Variants in CYP7B1 observed in about 807,000 individuals in gnomAD.
The protein encoded by CYP7B1 is cytochrome P450 family 7 subfamily B member 1.
CYP7B1 carries 29 observed loss-of-function variants against 42.7 expected under a neutral mutation model. The observed-to-expected ratio is 0.68, with a 90% CI of 0.51 to 0.93. The LOEUF (loss-of-function observed/expected upper bound fraction) is 0.93, where lower values mean the gene tolerates loss of function less well. Ranked by LOEUF, CYP7B1 falls within the 40% of genes least tolerant of loss-of-function variation. The pLI is 0.00. For synonymous variants in CYP7B1, 235 were observed against 218.2 expected, an observed-to-expected ratio of 1.08 and a Z score of -0.68; for missense variants, 655 against 600.5, an observed-to-expected ratio of 1.09 and a Z score of -0.95.
intron 1 of CYP7B1, among the ~76,000 whole-genome samples, chr8:64,761,661 G>A (rs1162606570): frequency 6.6e-6 from 1 of 152,086 alleles, no homozygotes; most frequent in Non-Finnish European, 1.5e-5. Flanking sequence ...CACATTCTTT[G>A]GGTAGAAAAT....
chr8:64,651,636 G>T (rs1206366425), intron 1 of CYP7B1, among the ~76,000 whole-genome samples: 1 of 152,180 alleles, frequency 6.6e-6, no homozygotes, highest in Admixed American at 6.5e-5. Flanking sequence ...ATTAGGTCAT[G>T]AAGGCAGAGC....
At chr8:64,783,361 C>T (rs1181895337) in intron 1 of CYP7B1, among the ~76,000 whole-genome samples, 1 of 152,152 alleles carries the variant, frequency 6.6e-6, no homozygotes, top group Non-Finnish European at 1.5e-5. Flanking sequence ...CAAAACAACT[C>T]ATTATCTACA....
rs1805096324 is a variant in CYP7B1, at chr8:64,595,043, C to T, written c.*1599G>A. 6.6e-6 allele frequency among the ~76,000 whole-genome samples: 1 copy of T among 152,214 alleles called. No homozygotes were observed. The highest frequency in any genetic ancestry group is 2.4e-5 in the African/African-American group (1 of 41,450). On this transcript the variant is annotated 3_prime_UTR_variant, in exon 6 of 6. Coordinates refer to ENST00000310193, the MANE Select transcript of CYP7B1 (RefSeq NM_004820.5). ...ACAGACTACCTATTGAGTAATTAAA[C>T]TCACTAACGGCTATCCGCCCAATAA...
intron 1 of CYP7B1, among the ~76,000 whole-genome samples, chr8:64,736,350 G>C (rs1051600425): frequency 1.3e-5 from 2 of 152,126 alleles, no homozygotes; most frequent in Non-Finnish European, 2.9e-5. Context: ...CACACGAATG[G>C]ATCAAATGGA....
chr8:64,716,199 A>T (rs184967311), intron 1 of CYP7B1, among the ~76,000 whole-genome samples: 1 of 152,322 alleles, frequency 6.6e-6, no homozygotes, highest in East Asian at 1.9e-4. Flanking sequence ...TGGTTGCTTA[A>T]GTCCTAAACA....
chr8:64,617,776 A>G (rs1040503946), intron 2 of CYP7B1, among the ~76,000 whole-genome samples: 1 of 151,904 alleles, frequency 6.6e-6, no homozygotes, highest in African/African-American at 2.4e-5. Context: ...ATTTAATTCA[A>G]TTTGGTGCAA....
intron 1 of CYP7B1, among the ~76,000 whole-genome samples, chr8:64,762,013 T>G (rs1807898288): frequency 6.6e-6 from 1 of 152,194 alleles, no homozygotes; most frequent in Admixed American, 6.5e-5. Context: ...AGTTCTGAAC[T>G]GCTTTCCAAA....
At chr8:64,794,716 T>G (rs1804678203) in intron 1 of CYP7B1, among the ~76,000 whole-genome samples, 1 of 152,122 alleles carries the variant, frequency 6.6e-6, no homozygotes, top group African/African-American at 2.4e-5. Context: ...ACATATGAAT[T>G]TTAGAGGGGA....
rs187096466 is a variant in CYP7B1 at position 64,630,154 on chromosome 8, G to C, written c.123-5615C>G. Among the ~76,000 whole-genome samples, 15 of 152,070 alleles carry C rather than the reference G, an allele frequency of 9.9e-5. No homozygotes were observed. The South Asian group carries it at 2.5e-3, about 25-fold the overall frequency. ...CTCATCAGATCAACAGAAAGGAAGT[G>C]GGGGGAAAGAGTCTTACATTTTATT... On this transcript the variant is annotated intron_variant, in intron 1 of 5. Coordinates refer to ENST00000310193, the MANE Select transcript of CYP7B1 (RefSeq NM_004820.5).
In CYP7B1 at chr8:64,798,570, G is replaced by A. The variant is rs1804750229; in HGVS notation, c.18C>T (p.Ser6=). 2.7e-6 allele frequency: 4 copies of A among 1,486,732 alleles called. No homozygotes were observed. In the South Asian group the frequency reaches 3.8e-5, roughly 14 times the overall value. 92.1% of individuals were successfully genotyped at this position (1,486,732 alleles called of 1,614,324 possible). Residue 6 remains serine, a synonymous_variant, in exon 1 of 6, where the codon TCC becomes TCT. Coordinates refer to ENST00000310193, the MANE Select transcript of CYP7B1 (RefSeq NM_004820.5). ...CCAGCGAAAAGCGGCCCGTGGCCGC[G>A]GACACTTCTCCTGCCATCCGGCGCG... MAGEV[S]AATGRFSLER...
intron 1 of CYP7B1, among the ~76,000 whole-genome samples, chr8:64,677,790 T>C (rs1806473742): frequency 6.8e-6 from 1 of 147,132 alleles, no homozygotes; most frequent in African/African-American, 2.5e-5. Context: ...TCTGGTCTGC[T>C]AAATGAGATC....
Position 64,766,235 on chromosome 8 carries a change from A to G in CYP7B1, c.122+32231T>C, listed in dbSNP as rs916593710. Among the ~76,000 whole-genome samples the G allele has an allele frequency of 2.6e-5, 4 of 152,306 alleles. No homozygotes were observed. The East Asian group carries it at 5.8e-4, about 22-fold the overall frequency. On this transcript the variant is annotated intron_variant, in intron 1 of 5. Transcript: ENST00000310193. ...TAGGAAGAAGCCTATAAATTATTCA[A>G]TGATGTCCACTATAACATAGGGAAA...
At chr8:64,768,411 T>C (rs1322594899) in intron 1 of CYP7B1, among the ~76,000 whole-genome samples, 1 of 152,144 alleles carries the variant, frequency 6.6e-6, no homozygotes, top group Non-Finnish European at 1.5e-5. Flanking sequence ...TCTTTAGTAA[T>C]TTGCTCTTCT....
chr8:64,684,831 G>A (rs761316975), intron 1 of CYP7B1, among the ~76,000 whole-genome samples: 1 of 152,142 alleles, frequency 6.6e-6, no homozygotes, highest in African/African-American at 2.4e-5. Flanking sequence ...ATGAAAAGGC[G>A]CTTGACATCA....
At chr8:64,722,255 G>T (rs1328014556) in intron 1 of CYP7B1, among the ~76,000 whole-genome samples, 2 of 152,134 alleles carry the variant, frequency 1.3e-5, no homozygotes, top group Admixed American at 1.3e-4. Flanking sequence ...ACTTGCAAAT[G>T]GAAAACAGAG....
At position 64,616,237 on chromosome 8, in the gene CYP7B1, C is replaced by T; in HGVS notation, c.304G>A (p.Val102Met). 1 of 1,607,458 alleles carries T rather than the reference C, an allele frequency of 6.2e-7. No homozygotes were observed. Among genetic ancestry groups the T allele is most frequent in the Non-Finnish European group, 8.5e-7 (1 of 1,177,272 alleles). ...FILDPFQYQL[V>M]IKNHKQLSFR... ...CTTAATTGTTTATGATTTTTTATCA[C>T]TAGCTGGTACTGGAAGGGGTCCAGG... Residue 102 changes from valine to methionine, a missense_variant, in exon 3 of 6, where the codon GTG becomes ATG. Physicochemically the swap from Val to Met is conservative, Grantham distance 21. Transcript: ENST00000310193.
At chr8:64,600,374 A>C (rs954683434) in intron 5 of CYP7B1, among the ~76,000 whole-genome samples, 5 of 152,244 alleles carry the variant, frequency 3.3e-5, no homozygotes, top group Non-Finnish European at 1.5e-5. Flanking sequence ...GTTACAAGGC[A>C]TAAAACATGG....
intron 1 of CYP7B1, among the ~76,000 whole-genome samples, chr8:64,635,993 A>G (rs1426522555): frequency 6.6e-6 from 1 of 152,182 alleles, no homozygotes. Context: ...GTTGTTTCTA[A>G]TCTGGGAGGG....
rs888431971 is a variant in CYP7B1, at chr8:64,765,309, G to T, written c.122+33157C>A. ...GACAGTCTAGTCCACAGACATAAAG[G>T]AAGTTCACATTGGAAAAAAATGGTT... On this transcript the variant is annotated intron_variant, in intron 1 of 5. Coordinates refer to ENST00000310193, the MANE Select transcript of CYP7B1 (RefSeq NM_004820.5). 2.0e-5 allele frequency among the ~76,000 whole-genome samples: 3 copies of T among 152,162 alleles called. No individual in the cohort carries two copies. The East Asian group carries it at 5.8e-4, about 29-fold the overall frequency.
Sources: allele counts gnomAD v4.1 joint callset (sites outside exome capture counted in the v4.1 genomes callset), GRCh38; gene constraint gnomAD v4.1.1; transcripts MANE v1.5; gene names NCBI Gene and HGNC (gene_info 2026-07-23, HGNC 2026-07-21).